Variants in THOC7 observed in about 807,000 individuals in gnomAD.
THOC7 encodes the protein NIF3L1-binding protein 1.
A neutral mutation model predicts 33.1 loss-of-function variants in THOC7; 22 were observed. The observed-to-expected ratio is 0.66, with a 90% CI of 0.47 to 0.95. The LOEUF (loss-of-function observed/expected upper bound fraction) is 0.95. Among genes scored for constraint, THOC7 ranks in the 40% least tolerant of loss-of-function variants. The pLI is 0.00. For missense variants in THOC7, 184 were observed against 245.3 expected (o/e 0.75, Z 1.67); for synonymous variants, 77 against 76.8 (o/e 1.00, Z -0.01).
chr3:63,863,513 C>T, intron 1 of THOC7: 1 of 1,188,632 alleles, frequency 8.4e-7, no homozygotes, highest in Non-Finnish European at 1.0e-6. Flanking sequence ...CCCTATAGCC[C>T]CGCGCTGCCT....
intron 1 of THOC7, among the ~76,000 whole-genome samples, chr3:63,845,792 C>T (rs540680300): frequency 6.6e-6 from 1 of 152,230 alleles, no homozygotes; most frequent in South Asian, 2.1e-4. Flanking sequence ...GATCTGAGTA[C>T]CCTCCCTTCT....
intron 1 of THOC7, among the ~76,000 whole-genome samples, chr3:63,859,291 A>G (rs1258700714): frequency 1.3e-5 from 2 of 152,180 alleles, no homozygotes; most frequent in Non-Finnish European, 2.9e-5. Context: ...CAATCCTCCT[A>G]TCATTTCTAA....
At chr3:63,853,043 C>T (rs377031795) in intron 1 of THOC7, among the ~76,000 whole-genome samples, 5 of 151,136 alleles carry the variant, frequency 3.3e-5, no homozygotes, top group East Asian at 3.9e-4. Context: ...CGCAGCTACT[C>T]GGGAGGCTGA....
chr3:63,843,027 A>G (rs1439557012), intron 1 of THOC7, among the ~76,000 whole-genome samples: 4 of 151,822 alleles, frequency 2.6e-5, no homozygotes, highest in Non-Finnish European at 5.9e-5. Context: ...AACTCAAGTG[A>G]TCCACATGCC....
chr3:63,846,344 A>G (rs1239047529), intron 1 of THOC7: 1 of 248,226 alleles, frequency 4.0e-6, no homozygotes, highest in Non-Finnish European at 8.3e-6. Context: ...ATTTTCCTAA[A>G]CCTAGAGAAA....
In THOC7 at chr3:63,834,212, A is replaced by T; in HGVS notation, c.548-13T>A. On this transcript the variant is annotated splice_polypyrimidine_tract_variant and intron_variant, in intron 7 of 7. Transcript: ENST00000295899. The stretch of plus-strand genomic sequence containing the variant: ...AGTTTTTCATCATCTGTAATTGAGA[A>T]GGAAACATAAAACCTTAGTCAAGTT... 6.2e-7 allele frequency: 1 copy of T among 1,613,720 alleles called. No individual in the cohort carries two copies. Among genetic ancestry groups the T allele is most frequent in the Non-Finnish European group, 8.5e-7 (1 of 1,179,822 alleles).
chr3:63,840,867 C>T (rs897842117), intron 1 of THOC7, among the ~76,000 whole-genome samples: 1 of 152,148 alleles, frequency 6.6e-6, no homozygotes, highest in Non-Finnish European at 1.5e-5. Context: ...CTTTGTAGGG[C>T]CACTGAACAA....
intron 1 of THOC7, among the ~76,000 whole-genome samples, chr3:63,847,150 T>A (rs1365432874): frequency 2.0e-5 from 3 of 152,040 alleles, no homozygotes; most frequent in Non-Finnish European, 4.4e-5. Context: ...CTAAAAAAAA[T>A]TTCTAGGAAA....
intron 4 of THOC7, among the ~76,000 whole-genome samples, chr3:63,836,943 C>T (rs112095936): frequency 0.014 from 2,178 of 151,586 alleles, 44 homozygotes; most frequent in Admixed American, 0.053. Context: ...CATTAACCAA[C>T]GAAAACACTG....
chr3:63,837,932 T>A (rs779790194), intron 4 of THOC7, 44 bp downstream of exon 4: 1 of 1,531,364 alleles, frequency 6.5e-7, no homozygotes, highest in Non-Finnish European at 8.9e-7. Context: ...AAAACTGTAG[T>A]CAGTAATAAT....
chr3:63,838,093 G>A (rs1167766719), intron 3 of THOC7, 31 bp from the exon 4 acceptor site: 1 of 1,532,616 alleles, frequency 6.5e-7, no homozygotes, highest in South Asian at 1.2e-5. Context: ...AAAGATAGTT[G>A]TAACAAAATC....
chr3:63,847,349 A>G (rs1701920751), intron 1 of THOC7, among the ~76,000 whole-genome samples: 1 of 152,188 alleles, frequency 6.6e-6, no homozygotes, highest in African/African-American at 2.4e-5. Context: ...CATGTTGTCC[A>G]CAGTTAATTG....
At chr3:63,857,385 C>T (rs1702135321) in intron 1 of THOC7, among the ~76,000 whole-genome samples, 1 of 152,064 alleles carries the variant, frequency 6.6e-6, no homozygotes, top group African/African-American at 2.4e-5. Context: ...GATATGTTAA[C>T]AACAACAAAG....
chr3:63,859,479 CG>C (rs1252012197), intron 1 of THOC7, among the ~76,000 whole-genome samples: 5 of 152,202 alleles, frequency 3.3e-5, no homozygotes, highest in Non-Finnish European at 5.9e-5. Flanking sequence ...GTTTTCACCT[CG>C]GGCCTTTGCA....
chr3:63,845,603 T>C (rs1422037240), intron 1 of THOC7, among the ~76,000 whole-genome samples: 1 of 152,178 alleles, frequency 6.6e-6, no homozygotes, highest in African/African-American at 2.4e-5. Flanking sequence ...TTCATAGGTA[T>C]GTGTGTTCTT....
chr3:63,844,992 T>C, intron 1 of THOC7: 1 of 687,126 alleles, frequency 1.5e-6, no homozygotes, highest in Admixed American at 2.1e-5. Context: ...ATTGAGATCT[T>C]TACATTTGTT....
At chr3:63,862,892 A>T (rs777117256) in intron 1 of THOC7, among the ~76,000 whole-genome samples, 4 of 152,058 alleles carry the variant, frequency 2.6e-5, no homozygotes, top group African/African-American at 7.2e-5. Flanking sequence ...TTCCGCTCTC[A>T]GTCCATAGAC....
At chr3:63,857,267 T>C (rs1424264155) in intron 1 of THOC7, among the ~76,000 whole-genome samples, 1 of 152,208 alleles carries the variant, frequency 6.6e-6, no homozygotes, top group Non-Finnish European at 1.5e-5. Flanking sequence ...TAGTACTTTT[T>C]TTATGAAGTA....
Position 63,863,776 on chromosome 3 carries a change from A to C in THOC7, c.15T>G (p.Thr5=), listed in dbSNP as rs1228729653. The change falls in exon 1 of 8, where the codon ACT becomes ACG. Residue 5 remains threonine (T), a synonymous_variant. Transcript: ENST00000295899. ...TGGCGGCGAGCGGGGCCTCACCGTC[A>C]GTCACGGCTCCCATGGCGTGCGCGG... The part of the protein sequence containing the change: MGAV[T]DDEVIRKRLL... 4 of 1,251,530 alleles carry C rather than the reference A, an allele frequency of 3.2e-6. No individual in the cohort carries two copies. In the Admixed American group the frequency reaches 1.7e-4, roughly 53 times the overall value. The allele number at this position is 1,251,530 out of a possible 1,614,324, so 77.5% of individuals were successfully genotyped here.
Sources: gnomAD v4.1 joint callset for allele counts (sites outside exome capture counted in the v4.1 genomes callset) on GRCh38, gnomAD v4.1.1 for gene constraint, MANE v1.5 for transcripts, NCBI Gene and HGNC (gene_info 2026-07-23, HGNC 2026-07-21) for gene names.